Variants in ZC3H12B observed in about 807,000 individuals in gnomAD.
ZC3H12B encodes the protein zinc finger CCCH-type containing 12B.
Under a neutral mutation model 43.9 loss-of-function variants are expected in ZC3H12B, and 7 were observed. That is an observed-to-expected ratio of 0.16 (90% CI 0.09 to 0.30). ZC3H12B has a LOEUF of 0.30. Ranked by LOEUF, ZC3H12B falls within the 10% of genes least tolerant of loss-of-function variation. ZC3H12B has a pLI of 1.00. For synonymous variants in ZC3H12B, 222 were observed against 241.7 expected (o/e 0.92, Z 0.76); for missense variants, 475 against 670.2 (o/e 0.71, Z 3.22).
the ZC3H12B span, among the ~76,000 whole-genome samples, chrX:65,150,294 T>G: frequency 1.8e-5 from 2 of 111,628 alleles, no homozygotes; most frequent in African/African-American, 3.3e-5. Context: ...TAAATATTTT[T>G]TCAGCACCTA....
At chrX:65,269,365 CA>C in the ZC3H12B span, among the ~76,000 whole-genome samples, 79 of 82,506 alleles carry the variant, frequency 9.6e-4, no homozygotes, top group South Asian at 1.6e-3. Context: ...CAAAACAAAA[CA>C]AAAAAAAAAA....
the ZC3H12B span, among the ~76,000 whole-genome samples, chrX:65,040,515 T>C: frequency 9.0e-6 from 1 of 110,646 alleles, no homozygotes; most frequent in Non-Finnish European, 1.9e-5. Context: ...AGATTTTATA[T>C]GTTTCAAATT....
chrX:65,353,532 T>A, the ZC3H12B span, among the ~76,000 whole-genome samples: 2 of 112,049 alleles, frequency 1.8e-5, no homozygotes, highest in Non-Finnish European at 3.8e-5. Flanking sequence ...AAGTTGTGAA[T>A]GCAAAGGAAA....
chrX:65,265,453 G>A, the ZC3H12B span, among the ~76,000 whole-genome samples: 1 of 112,158 alleles, frequency 8.9e-6, no homozygotes, highest in Non-Finnish European at 1.9e-5. Context: ...CCAGGTGGCA[G>A]CCTTTATACT....
chrX:65,227,644 A>G, the ZC3H12B span, among the ~76,000 whole-genome samples: 1 of 111,613 alleles, frequency 9.0e-6, no homozygotes, highest in Non-Finnish European at 1.9e-5. Context: ...AGCAAGACTA[A>G]TAAAGAAGAA....
chrX:65,051,596 C>T, the ZC3H12B span, among the ~76,000 whole-genome samples: 1 of 111,596 alleles, frequency 9.0e-6, no homozygotes, highest in African/African-American at 3.3e-5. Context: ...AGAAACTATC[C>T]TCCAAACATC....
At chrX:65,453,804 G>A (rs2067560466) in intron 3 of ZC3H12B, among the ~76,000 whole-genome samples, 1 of 111,418 alleles carries the variant, frequency 9.0e-6, no homozygotes, top group African/African-American at 3.3e-5. Context: ...TCTCAGTGAA[G>A]TAATTCAGTA....
At chrX:65,200,350 C>A in the ZC3H12B span, among the ~76,000 whole-genome samples, 12 of 109,475 alleles carry the variant, frequency 1.1e-4, no homozygotes, top group Admixed American at 8.8e-4. Context: ...GGATATTACA[C>A]CTTTGTCAAA....
rs761670720 is a variant in ZC3H12B, at chrX:65,488,759, A to G, written c.-43A>G. 2.7e-6 allele frequency: 3 copies of G among 1,107,378 alleles called. No individual in the cohort carries two copies. In the African/African-American group the frequency reaches 5.6e-5, roughly 21 times the overall value. 91.3% of individuals were successfully genotyped at this position (1,107,378 alleles called of 1,213,427 possible). On this transcript the variant is annotated 5_prime_UTR_variant, in exon 1 of 5. Transcript: ENST00000338957. ...GCATGTGGATTCCAAGCAGGCTAAA[A>G]AGAAAAAGAACTGATTAGACCTCAG...
chrX:65,446,771 C>T (rs2067382964), intron 3 of ZC3H12B, among the ~76,000 whole-genome samples: 1 of 111,871 alleles, frequency 8.9e-6, no homozygotes, highest in South Asian at 3.7e-4. Context: ...CTTTCTTATC[C>T]TCTTTAGTGC....
intron 3 of ZC3H12B, among the ~76,000 whole-genome samples, chrX:65,432,190 G>T (rs937019759): frequency 7.2e-5 from 8 of 111,468 alleles, no homozygotes; most frequent in Admixed American, 5.7e-4. Flanking sequence ...ATTTTATGAT[G>T]GAGTACTGCT....
chrX:65,290,801 T>A, the ZC3H12B span, among the ~76,000 whole-genome samples: 2 of 110,273 alleles, frequency 1.8e-5, no homozygotes, highest in Non-Finnish European at 3.8e-5. Flanking sequence ...AGTAAAAAAA[T>A]TTGAACACAA....
At chrX:65,458,671 G>C (rs1387700684) in intron 3 of ZC3H12B, among the ~76,000 whole-genome samples, 1 of 111,987 alleles carries the variant, frequency 8.9e-6, no homozygotes, top group Non-Finnish European at 1.9e-5. Flanking sequence ...TGAGAACAAA[G>C]ACACAACATA....
chrX:65,153,125 A>G, the ZC3H12B span, among the ~76,000 whole-genome samples: 8 of 112,276 alleles, frequency 7.1e-5, no homozygotes, highest in Admixed American at 4.7e-4. Context: ...AAAACCATAA[A>G]AACCCTAGAA....
At chrX:65,157,425 G>T in the ZC3H12B span, among the ~76,000 whole-genome samples, 2 of 112,029 alleles carry the variant, frequency 1.8e-5, no homozygotes, top group South Asian at 7.3e-4. Flanking sequence ...TGTCTTCAAA[G>T]TAAATTAAAT....
the ZC3H12B span, among the ~76,000 whole-genome samples, chrX:65,073,465 C>T: frequency 0.083 from 9,263 of 111,913 alleles, 1,029 homozygotes; most frequent in African/African-American, 0.29. Flanking sequence ...CAGGCTGGGG[C>T]CCTGGGAGAG....
chrX:65,224,433 C>G, the ZC3H12B span, among the ~76,000 whole-genome samples: 1 of 112,362 alleles, frequency 8.9e-6, no homozygotes, highest in Non-Finnish European at 1.9e-5. Flanking sequence ...TCTACAGCTC[C>G]CAGCATGAGC....
chrX:65,404,405 A>T (rs1189631698), intron 3 of ZC3H12B, among the ~76,000 whole-genome samples: 2 of 112,017 alleles, frequency 1.8e-5, no homozygotes, highest in Non-Finnish European at 3.8e-5. Flanking sequence ...CTACAATCGA[A>T]ATAAATAGAG....
chrX:65,055,222 T>G, the ZC3H12B span, among the ~76,000 whole-genome samples: 1 of 111,492 alleles, frequency 9.0e-6, no homozygotes, highest in Non-Finnish European at 1.9e-5. Context: ...GGCTGTGGGT[T>G]TGTCATAAAT....
Sources: allele counts gnomAD v4.1 joint callset (sites outside exome capture counted in the v4.1 genomes callset), GRCh38; gene constraint gnomAD v4.1.1; transcripts MANE v1.5; gene names NCBI Gene and HGNC (gene_info 2026-07-23, HGNC 2026-07-21).